NEGR1: variants seen among roughly 807,000 people sequenced by gnomAD.
NEGR1 encodes neuronal growth regulator 1.
A neutral mutation model predicts 40.9 loss-of-function variants in NEGR1; 10 were observed. The ratio of observed to expected loss-of-function variants is 0.24; its 90% CI spans 0.15 to 0.42. NEGR1 has a LOEUF of 0.42. Among genes scored for constraint, NEGR1 ranks in the 10% least tolerant of loss-of-function variants. The pLI is 1.00. For synonymous variants in NEGR1, 185 were observed against 166.8 expected, an observed-to-expected ratio of 1.11 and a Z score of -0.84; for missense variants, 352 against 438.9, an observed-to-expected ratio of 0.80 and a Z score of 1.77.
intron 1 of NEGR1, among the ~76,000 whole-genome samples, chr1:72,042,804 A>G (rs1646967762): frequency 6.6e-6 from 1 of 152,100 alleles, no homozygotes; most frequent in Admixed American, 6.6e-5. Flanking sequence ...TTTCTGACTA[A>G]ATATTACCAG....
chr1:72,098,880 A>G (rs1307899988), intron 1 of NEGR1, among the ~76,000 whole-genome samples: 1 of 152,100 alleles, frequency 6.6e-6, no homozygotes, highest in Non-Finnish European at 1.5e-5. Context: ...ATGAAGTGGC[A>G]TTTCCCTCAA....
At chr1:71,840,033 G>A (rs1412286532) in intron 2 of NEGR1, among the ~76,000 whole-genome samples, 4 of 152,162 alleles carry the variant, frequency 2.6e-5, no homozygotes, top group African/African-American at 7.2e-5. Flanking sequence ...ATGTAATAAG[G>A]CTTTTCCATT....
intron 4 of NEGR1, among the ~76,000 whole-genome samples, chr1:71,612,205 C>G (rs1217623271): frequency 6.6e-6 from 1 of 152,118 alleles, no homozygotes; most frequent in African/African-American, 2.4e-5. Context: ...CTGGGCGACA[C>G]AGCAAGACTC....
At chr1:71,469,122 TAAC>T in intron 6 of NEGR1, among the ~76,000 whole-genome samples, 1 of 152,196 alleles carries the variant, frequency 6.6e-6, no homozygotes, top group East Asian at 1.9e-4. Context: ...TGATTCATGA[TAAC>T]AGCCTCCATT....
chr1:72,056,649 TATA>T (rs1274440160), intron 1 of NEGR1, among the ~76,000 whole-genome samples: 2 of 151,542 alleles, frequency 1.3e-5, no homozygotes, highest in East Asian at 1.9e-4. Flanking sequence ...TATGCCCATT[TATA>T]ATATTATTTT....
intron 1 of NEGR1, among the ~76,000 whole-genome samples, chr1:72,263,926 T>C (rs1016333872): frequency 6.6e-6 from 1 of 151,526 alleles, no homozygotes; most frequent in African/African-American, 2.4e-5. Context: ...TCCCCTTAGA[T>C]GTTTCCATCA....
chr1:72,217,246 T>C (rs961181361), intron 1 of NEGR1, among the ~76,000 whole-genome samples: 1 of 151,842 alleles, frequency 6.6e-6, no homozygotes, highest in African/African-American at 2.4e-5. Context: ...TTAGGTGAAA[T>C]ATCAGATTAT....
chr1:71,953,423 T>G (rs996766511), intron 1 of NEGR1, among the ~76,000 whole-genome samples: 7 of 151,982 alleles, frequency 4.6e-5, no homozygotes, highest in Non-Finnish European at 8.8e-5. Flanking sequence ...TCTTTACAGA[T>G]GAGCAAAGAA....
intron 6 of NEGR1, among the ~76,000 whole-genome samples, chr1:71,555,393 C>T (rs1388016531): frequency 6.6e-6 from 1 of 151,566 alleles, no homozygotes; most frequent in Non-Finnish European, 1.5e-5. Flanking sequence ...CCTTCCTGCC[C>T]TATAGGGTAA....
At chr1:72,264,595 T>A (rs1655576850) in intron 1 of NEGR1, among the ~76,000 whole-genome samples, 1 of 150,526 alleles carries the variant, frequency 6.6e-6, no homozygotes, top group Non-Finnish European at 1.5e-5. Context: ...TATGCTACAA[T>A]GTCTTCTATT....
chr1:71,525,951 C>T (rs967257489), intron 6 of NEGR1, among the ~76,000 whole-genome samples: 5 of 151,140 alleles, frequency 3.3e-5, no homozygotes, highest in African/African-American at 9.7e-5. Context: ...TACTTTGAGC[C>T]GAGAGTAAAT....
intron 1 of NEGR1, among the ~76,000 whole-genome samples, chr1:72,195,330 A>G (rs1047075901): frequency 6.6e-6 from 1 of 152,040 alleles, no homozygotes; most frequent in African/African-American, 2.4e-5. Flanking sequence ...TGGGCCGTAC[A>G]TAGTTCAAAT....
At chr1:71,424,997 G>GT (rs1289708012) in intron 6 of NEGR1, among the ~76,000 whole-genome samples, 1 of 152,036 alleles carries the variant, frequency 6.6e-6, no homozygotes, top group Non-Finnish European at 1.5e-5. Context: ...TTGATTTCTG[G>GT]TAATTGTTTC....
chr1:71,986,627 C>G (rs1646396946), intron 1 of NEGR1, among the ~76,000 whole-genome samples: 1 of 152,166 alleles, frequency 6.6e-6, no homozygotes, highest in East Asian at 1.9e-4. Context: ...TTAATAGAAT[C>G]AAAGTAGTGT....
intron 1 of NEGR1, among the ~76,000 whole-genome samples, chr1:72,155,595 C>A (rs1283594410): frequency 6.6e-6 from 1 of 152,012 alleles, no homozygotes; most frequent in African/African-American, 2.4e-5. Flanking sequence ...CTTCATTGTC[C>A]TATGATATAA....
At position 71,804,138 on chromosome 1, in the gene NEGR1, A is replaced by G. The variant is rs149581883; in HGVS notation, c.410-27841T>C. The stretch of plus-strand genomic sequence containing the variant: ...ATACAACCCTACCATTTCATTTCTG[A>G]TATTTATATAAAGTTGGTATTCTAT... On this transcript the variant is annotated intron_variant, in intron 2 of 6. Transcript: ENST00000357731. 3.8e-3 allele frequency among the ~76,000 whole-genome samples: 586 copies of G among 152,270 alleles called. 2 individuals are homozygous for G. The highest frequency in any genetic ancestry group is 0.013 in the African/African-American group (553 of 41,572).
At chr1:71,984,313 A>T (rs1298632373) in intron 1 of NEGR1, among the ~76,000 whole-genome samples, 1 of 117,798 alleles carries the variant, frequency 8.5e-6, no homozygotes, top group African/African-American at 2.7e-5. Context: ...TGATTTGTAG[A>T]TACAGGGTCT....
chr1:71,502,986 A>T (rs1647009071), intron 6 of NEGR1, among the ~76,000 whole-genome samples: 1 of 152,170 alleles, frequency 6.6e-6, no homozygotes, highest in Non-Finnish European at 1.5e-5. Context: ...AGAGACTGAC[A>T]GGAAAAAGGA....
intron 6 of NEGR1, among the ~76,000 whole-genome samples, chr1:71,524,220 A>T (rs1647188817): frequency 6.6e-6 from 1 of 151,158 alleles, no homozygotes; most frequent in Admixed American, 6.6e-5. Flanking sequence ...TGCATTTATG[A>T]TTCTTTCCTG....
Sources: gnomAD v4.1 joint callset for allele counts (sites outside exome capture counted in the v4.1 genomes callset) on GRCh38, gnomAD v4.1.1 for gene constraint, MANE v1.5 for transcripts, NCBI Gene and HGNC (gene_info 2026-07-23, HGNC 2026-07-21) for gene names.